KCNT2: variants seen among roughly 807,000 people sequenced by gnomAD.
KCNT2 encodes potassium sodium-activated channel subfamily T member 2.
A neutral mutation model predicts 153.8 loss-of-function variants in KCNT2; 67 were observed. That is an observed-to-expected ratio of 0.44 (90% CI 0.36 to 0.53). The LOEUF is 0.53. Among genes scored for constraint, KCNT2 ranks in the 20% least tolerant of loss-of-function variants. The probability of loss-of-function intolerance (pLI) is 0.00; values close to 1 mark genes in which losing one functional copy is unlikely to be tolerated. For missense variants in KCNT2, 975 were observed against 1,354.8 expected (o/e 0.72, Z 4.40); for synonymous variants, 500 against 458.8 (o/e 1.09, Z -1.15).
chr1:196,334,723 A>T (rs1664839704), intron 16 of KCNT2, among the ~76,000 whole-genome samples: 1 of 152,044 alleles, frequency 6.6e-6, no homozygotes, highest in Non-Finnish European at 1.5e-5. Flanking sequence ...CAGGTACTTG[A>T]GATCTGTAGA....
chr1:196,608,057 T>C (rs1243755337), intron 1 of KCNT2, among the ~76,000 whole-genome samples, 158 bp downstream of exon 1: 1 of 152,160 alleles, frequency 6.6e-6, no homozygotes, highest in Admixed American at 6.5e-5. Context: ...AGAGTCAAAA[T>C]GGAGAGACAA....
intron 8 of KCNT2, among the ~76,000 whole-genome samples, chr1:196,448,210 C>T (rs959198508): frequency 6.6e-6 from 1 of 151,496 alleles, no homozygotes; most frequent in African/African-American, 2.4e-5. Flanking sequence ...TCCCTCTGAC[C>T]TTATTTGTCT....
At position 196,479,330 on chromosome 1, in the gene KCNT2, T is replaced by C. The variant is rs888298723; in HGVS notation, c.325-92A>G. 2.5e-5 allele frequency: 18 copies of C among 725,122 alleles called. No individual in the cohort carries two copies. In the African/African-American group the frequency reaches 3.2e-4, roughly 13 times the overall value. The allele number at this position is 725,122 out of a possible 1,614,324, so 44.9% of individuals were successfully genotyped here. On this transcript the variant is annotated intron_variant, in intron 4 of 27. Coordinates refer to ENST00000294725, the MANE Select transcript of KCNT2 (RefSeq NM_198503.5). Reference sequence around the variant, plus strand: ...ACTACTAACTTTATTTAAATATATGTGCATGTATACATATATGGGTGTATA... The same window carrying C: ...ACTACTAACTTTATTTAAATATATGCGCATGTATACATATATGGGTGTATA...
intron 1 of KCNT2, among the ~76,000 whole-genome samples, chr1:196,552,642 T>C (rs1329968351): frequency 6.6e-6 from 1 of 151,494 alleles, no homozygotes; most frequent in African/African-American, 2.4e-5. Flanking sequence ...AATGTAATTG[T>C]GGTGTGTAAC....
rs572751144 is a variant in KCNT2 at position 196,409,651 on chromosome 1, A to G, written c.1186-10980T>C. 7.2e-5 allele frequency among the ~76,000 whole-genome samples: 11 copies of G among 151,730 alleles called. No homozygotes were observed. In the South Asian group the frequency reaches 1.9e-3, roughly 26 times the overall value. On this transcript the variant is annotated intron_variant, in intron 12 of 27. Transcript: ENST00000294725. Reference sequence around the variant, plus strand: ...AAGAACTTTCTTCAACTTTTTTATAATGTAGGTCTATTGGCAGTATAAACC... The same window carrying G: ...AAGAACTTTCTTCAACTTTTTTATAGTGTAGGTCTATTGGCAGTATAAACC...
chr1:196,326,855 G>C lies in KCNT2; in HGVS notation c.2138C>G (p.Ala713Gly), dbSNP rs1327020928. The C allele has an allele frequency of 6.3e-7, 1 of 1,585,154 alleles. No individual in the cohort carries two copies. Among genetic ancestry groups the C allele is most frequent in the Non-Finnish European group, 8.5e-7 (1 of 1,170,658 alleles). Reference protein sequence around the residue: ...CQHNYYEDAKAYGFKNKLIIV... With the variant: ...CQHNYYEDAKGYGFKNKLIIV... ...AATTAGTTTATTTTTGAATCCATAG[G>C]CTTTTGCATCCTCATAGTAGTTATG... The change falls in exon 19 of 28, where the codon GCC (alanine) becomes GGC (glycine). Residue 713 changes from alanine to glycine, a missense_variant. By Grantham distance (60) the Ala-to-Gly change is moderately conservative. Transcript: ENST00000294725.
At chr1:196,518,478 T>TAAAAAAAAAAAA (rs35962682) in intron 1 of KCNT2, among the ~76,000 whole-genome samples, 1 of 126,360 alleles carries the variant, frequency 7.9e-6, no homozygotes, top group Non-Finnish European at 1.7e-5. Flanking sequence ...AAGCTGGATT[T>TAAAAAAAAAAAA]AAAAAAAAAA....
chr1:196,391,527 AT>A (rs1408977301), intron 13 of KCNT2, among the ~76,000 whole-genome samples: 1 of 151,344 alleles, frequency 6.6e-6, no homozygotes. Context: ...ATATACAACT[AT>A]AAAAAACATT....
At position 196,228,089 on chromosome 1, in the gene KCNT2, C is replaced by A; in HGVS notation, c.*135G>T. The stretch of plus-strand genomic sequence containing the variant: ...ACATTAAGTTTCAAAATGATCTATA[C>A]TTCTAAGAGAAGAGATTACGTTTTT... On this transcript the variant is annotated 3_prime_UTR_variant, in exon 28 of 28. Coordinates refer to ENST00000294725, the MANE Select transcript of KCNT2 (RefSeq NM_198503.5). 1.7e-6 allele frequency: 1 copy of A among 602,716 alleles called. No individual in the cohort carries two copies. 37.3% of individuals were successfully genotyped at this position (602,716 alleles called of 1,614,324 possible).
At chr1:196,533,579 A>G (rs1655200853) in intron 1 of KCNT2, among the ~76,000 whole-genome samples, 1 of 152,118 alleles carries the variant, frequency 6.6e-6, no homozygotes, top group Non-Finnish European at 1.5e-5. Context: ...CTGTCATGTT[A>G]GATTTGAGGA....
chr1:196,479,121 T>G, intron 5 of KCNT2, 58 bp downstream of exon 5: 1 of 1,100,060 alleles, frequency 9.1e-7, no homozygotes, highest in East Asian at 2.5e-5. Flanking sequence ...AGAGGAATAC[T>G]GAGTAAATAC....
intron 8 of KCNT2, among the ~76,000 whole-genome samples, chr1:196,462,533 G>A (rs1270542620): frequency 2.0e-5 from 3 of 151,412 alleles, no homozygotes; most frequent in Non-Finnish European, 3.0e-5. Flanking sequence ...ATATTTTTAA[G>A]TAATTTAGTT....
At chr1:196,264,892 A>T (rs1442776312) in intron 25 of KCNT2, among the ~76,000 whole-genome samples, 2 of 152,144 alleles carry the variant, frequency 1.3e-5, no homozygotes, top group Non-Finnish European at 2.9e-5. Context: ...CAACCTCTCA[A>T]AGTGCTGGGA....
chr1:196,418,894 T>A (rs1672962824), intron 12 of KCNT2, among the ~76,000 whole-genome samples: 1 of 152,046 alleles, frequency 6.6e-6, no homozygotes, highest in Admixed American at 6.6e-5. Context: ...CTCAACCACA[T>A]CAGGTAACGC....
intron 1 of KCNT2, among the ~76,000 whole-genome samples, chr1:196,569,042 T>C (rs1329730642): frequency 6.6e-6 from 1 of 152,154 alleles, no homozygotes; most frequent in Non-Finnish European, 1.5e-5. Context: ...CTATTACAAA[T>C]TTATTCCTAA....
intron 1 of KCNT2, among the ~76,000 whole-genome samples, chr1:196,586,515 T>C (rs1265867936): frequency 6.6e-6 from 1 of 152,114 alleles, no homozygotes; most frequent in Non-Finnish European, 1.5e-5. Flanking sequence ...ATAAGAATTC[T>C]TACCTGTATT....
intron 14 of KCNT2, among the ~76,000 whole-genome samples, chr1:196,361,126 C>CAT (rs1213883860): frequency 1.3e-5 from 2 of 151,838 alleles, no homozygotes; most frequent in Middle Eastern, 3.2e-3. Flanking sequence ...TATGCAGGGG[C>CAT]ATGAAGTAGG....
intron 12 of KCNT2, among the ~76,000 whole-genome samples, chr1:196,408,077 C>T (rs533806213): frequency 1.8e-4 from 28 of 151,488 alleles, no homozygotes; most frequent in Middle Eastern, 6.8e-3. Flanking sequence ...CAATGTTTCT[C>T]GAGGGCCTGG....
chr1:196,468,532 C>A (rs1488487286), intron 6 of KCNT2, among the ~76,000 whole-genome samples: 2 of 151,994 alleles, frequency 1.3e-5, no homozygotes, highest in East Asian at 3.9e-4. Context: ...TGAAAAGAAG[C>A]AAAATGTTGG....
Sources: allele counts gnomAD v4.1 joint callset (sites outside exome capture counted in the v4.1 genomes callset), GRCh38; gene constraint gnomAD v4.1.1; transcripts MANE v1.5; gene names NCBI Gene and HGNC (gene_info 2026-07-23, HGNC 2026-07-21).